Variants in PHF2 observed in about 807,000 individuals in gnomAD.
PHF2 encodes PHD finger protein 2, also known as lysine-specific demethylase PHF2.
In PHF2, 27 loss-of-function variants were observed where a neutral mutation model predicts 120.5. The ratio of observed to expected loss-of-function variants is 0.22; its 90% CI spans 0.17 to 0.31. PHF2 has a LOEUF of 0.31. PHF2 is among the 10% of genes least tolerant of loss of function. PHF2 has a pLI of 1.00. For missense variants in PHF2, 1,024 were observed against 1,434.8 expected (o/e 0.71, Z 4.63); for synonymous variants, 568 against 592.5 (o/e 0.96, Z 0.60).
chr9:93,578,729 A>C (rs918727321), intron 1 of PHF2, among the ~76,000 whole-genome samples: 1 of 152,194 alleles, frequency 6.6e-6, no homozygotes, highest in Non-Finnish European at 1.5e-5. Context: ...CAGGCAGGCG[A>C]CAGGGGCTGA....
chr9:93,644,787 G>A (rs1251609684), intron 3 of PHF2, among the ~76,000 whole-genome samples: 1 of 152,126 alleles, frequency 6.6e-6, no homozygotes, highest in African/African-American at 2.4e-5. Flanking sequence ...GTATGGCCTT[G>A]GGCAGACCAC....
chr9:93,602,487 C>T (rs1286540564), intron 1 of PHF2, among the ~76,000 whole-genome samples: 2 of 151,938 alleles, frequency 1.3e-5, no homozygotes, highest in African/African-American at 2.4e-5. Context: ...TCCTGAGCTC[C>T]GGCAATCCAC....
chr9:93,580,436 CTG>C (rs1206004161), intron 1 of PHF2, among the ~76,000 whole-genome samples: 3 of 152,218 alleles, frequency 2.0e-5, no homozygotes, highest in Non-Finnish European at 4.4e-5. Context: ...GGGCCGTACA[CTG>C]TGTTCCCTTG....
intron 5 of PHF2, among the ~76,000 whole-genome samples, chr9:93,650,131 C>T (rs1269964512): frequency 9.0e-6 from 1 of 111,454 alleles, no homozygotes; most frequent in Non-Finnish European, 2.0e-5. Context: ...ACACTTAGCA[C>T]TCACCAACAC....
chr9:93,617,248 G>A (rs1713386138), intron 1 of PHF2, among the ~76,000 whole-genome samples: 1 of 152,210 alleles, frequency 6.6e-6, no homozygotes, highest in Non-Finnish European at 1.5e-5. Context: ...GTAGCCTGCA[G>A]CAGGGCCGCA....
chr9:93,676,032 C>T (rs1243634156), intron 20 of PHF2, among the ~76,000 whole-genome samples: 2 of 152,188 alleles, frequency 1.3e-5, no homozygotes, highest in African/African-American at 4.8e-5. Flanking sequence ...CAGCCCTATT[C>T]GTGCCAAGGC....
chr9:93,646,153 T>A (rs902679552), intron 4 of PHF2, among the ~76,000 whole-genome samples: 1 of 152,166 alleles, frequency 6.6e-6, no homozygotes, highest in African/African-American at 2.4e-5. Flanking sequence ...GCTGCCTGAT[T>A]AGGGGCCTGG....
intron 3 of PHF2, among the ~76,000 whole-genome samples, chr9:93,642,056 G>A (rs1826180814): frequency 1.3e-5 from 2 of 152,192 alleles, no homozygotes; most frequent in South Asian, 4.1e-4. Flanking sequence ...CCATTGAACT[G>A]TTTTGGCACT....
chr9:93,645,212 G>A (rs1455440394), intron 3 of PHF2, among the ~76,000 whole-genome samples: 1 of 152,210 alleles, frequency 6.6e-6, no homozygotes, highest in Non-Finnish European at 1.5e-5. Flanking sequence ...CCATGGGGAG[G>A]CACCTAGCCG....
chr9:93,647,651 A>C (rs1826285395), intron 4 of PHF2, among the ~76,000 whole-genome samples: 1 of 152,160 alleles, frequency 6.6e-6, no homozygotes, highest in Admixed American at 6.5e-5. Flanking sequence ...GCACTTTAGG[A>C]GGCTGAGGTG....
At chr9:93,585,455 C>A (rs1411789352) in intron 1 of PHF2, among the ~76,000 whole-genome samples, 2 of 152,254 alleles carry the variant, frequency 1.3e-5, no homozygotes, top group Non-Finnish European at 2.9e-5. Context: ...GCAGTGCCAG[C>A]CGCTCTGTGT....
intron 2 of PHF2, among the ~76,000 whole-genome samples, chr9:93,633,972 C>A (rs1813605805): frequency 1.3e-5 from 2 of 152,166 alleles, no homozygotes; most frequent in Non-Finnish European, 2.9e-5. Context: ...CTGCCTCACG[C>A]TCCTGCCTGA....
chr9:93,650,249 A>G (rs965979300), intron 5 of PHF2, among the ~76,000 whole-genome samples: 1 of 152,034 alleles, frequency 6.6e-6, no homozygotes, highest in Non-Finnish European at 1.5e-5. Flanking sequence ...GCATTCATGG[A>G]CACACTTGTG....
At chr9:93,624,690 G>A (rs34196650) in intron 1 of PHF2, among the ~76,000 whole-genome samples, 13,918 of 150,016 alleles carry the variant, frequency 0.093, 911 homozygotes, top group Non-Finnish European at 0.14. Flanking sequence ...GATGATGGTG[G>A]TGGCGATGGT....
At position 93,676,308 on chromosome 9, in the gene PHF2, G is replaced by A. The variant is rs529025838; in HGVS notation, c.2833-286G>A. On this transcript the variant is annotated intron_variant, in intron 20 of 21. Transcript: ENST00000359246. ...AAAGTGAATATTCTTCCAGAACTGG[G>A]AGATGTATATGGCCACTGAGTGGGG... Among the ~76,000 whole-genome samples the A allele has an allele frequency of 9.8e-5, 15 of 152,358 alleles. No individual in the cohort carries two copies. In the South Asian group the frequency reaches 2.1e-3, roughly 21 times the overall value.
chr9:93,676,032 C>A (rs1243634156), intron 20 of PHF2, among the ~76,000 whole-genome samples: 1 of 152,188 alleles, frequency 6.6e-6, no homozygotes, highest in Non-Finnish European at 1.5e-5. Context: ...CAGCCCTATT[C>A]GTGCCAAGGC....
At chr9:93,587,005 C>A (rs977191497) in intron 1 of PHF2, among the ~76,000 whole-genome samples, 1 of 152,206 alleles carries the variant, frequency 6.6e-6, no homozygotes, top group Non-Finnish European at 1.5e-5. Context: ...GGCCTGTTGG[C>A]CATGGGTGGG....
chr9:93,579,842 T>C (rs1201835117), intron 1 of PHF2, among the ~76,000 whole-genome samples: 1 of 152,166 alleles, frequency 6.6e-6, no homozygotes, highest in African/African-American at 2.4e-5. Context: ...CGAGAACTTG[T>C]TTGGGATAGA....
chr9:93,602,114 A>C (rs1300246657), intron 1 of PHF2, among the ~76,000 whole-genome samples: 1 of 152,026 alleles, frequency 6.6e-6, no homozygotes, highest in Non-Finnish European at 1.5e-5. Context: ...TTGTTTCTTC[A>C]GATCTCTCTT....
Sources: gnomAD v4.1 joint callset for allele counts (sites outside exome capture counted in the v4.1 genomes callset) on GRCh38, gnomAD v4.1.1 for gene constraint, MANE v1.5 for transcripts, NCBI Gene and HGNC (gene_info 2026-07-23, HGNC 2026-07-21) for gene names.